SYT6: variants seen among roughly 807,000 people sequenced by gnomAD.
SYT6 encodes the protein synaptotagmin-6.
SYT6 carries 24 observed loss-of-function variants against 38.4 expected under a neutral mutation model. The ratio of observed to expected loss-of-function variants is 0.62; its 90% CI spans 0.45 to 0.88. SYT6 has a LOEUF of 0.88. Among genes scored for constraint, SYT6 ranks in the 40% least tolerant of loss-of-function variants. The probability of loss-of-function intolerance (pLI) is 0.00; values close to 1 mark genes in which losing one functional copy is unlikely to be tolerated. For synonymous variants in SYT6, 265 were observed against 241.9 expected (o/e 1.10, Z -0.89); for missense variants, 611 against 621.0 (o/e 0.98, Z 0.17).
chr1:114,101,340 A>G (rs1675957194), intron 4 of SYT6, among the ~76,000 whole-genome samples: 1 of 152,076 alleles, frequency 6.6e-6, no homozygotes, highest in Non-Finnish European at 1.5e-5. Flanking sequence ...GCCCCAGATG[A>G]TCTTGGAGGT....
chr1:114,103,047 G>A (rs1676062755), intron 4 of SYT6, among the ~76,000 whole-genome samples: 1 of 152,184 alleles, frequency 6.6e-6, no homozygotes, highest in Non-Finnish European at 1.5e-5. Context: ...AGCTCTCTTG[G>A]TGCTGAGGCT....
At chr1:114,130,073 G>C (rs1436223823) in intron 3 of SYT6, among the ~76,000 whole-genome samples, 5 of 151,986 alleles carry the variant, frequency 3.3e-5, no homozygotes, top group African/African-American at 1.2e-4. Flanking sequence ...AATATCTGCA[G>C]GGTTCTCTCC....
chr1:114,126,380 C>T (rs2101053754), intron 3 of SYT6, among the ~76,000 whole-genome samples: 1 of 152,356 alleles, frequency 6.6e-6, no homozygotes. Context: ...GTCATAGTTA[C>T]ACCCCATGAC....
intron 3 of SYT6, among the ~76,000 whole-genome samples, chr1:114,136,079 G>T (rs570440470): frequency 4.6e-5 from 7 of 152,254 alleles, no homozygotes; most frequent in Admixed American, 1.3e-4. Flanking sequence ...AAGCAAAGGT[G>T]GGGGAGGTAC....
At chr1:114,133,087 C>T (rs534985666) in intron 3 of SYT6, among the ~76,000 whole-genome samples, 1 of 152,176 alleles carries the variant, frequency 6.6e-6, no homozygotes, top group South Asian at 2.1e-4. Flanking sequence ...GTATATGGAA[C>T]ACTTCATCAC....
chr1:114,130,988 C>T (rs1289641074), intron 3 of SYT6, among the ~76,000 whole-genome samples: 1 of 152,182 alleles, frequency 6.6e-6, no homozygotes, highest in Non-Finnish European at 1.5e-5. Context: ...TGTGGCCACT[C>T]TGGGATCTCA....
chr1:114,103,611 T>G lies in SYT6; in HGVS notation c.1182A>C (p.Thr394=). The part of the protein sequence containing the change: ...KCRNLKAMDI[T]GYSDPYVKVS... ...GGTTAAGAGAGGTACCTGAATAGCC[T>G]GTGATGTCCATCGCCTTGAGGTTCC... is the stretch of plus-strand genomic sequence containing the variant. Residue 394 remains threonine (T), a synonymous_variant, in exon 4 of 8, where the codon ACA becomes ACC. Coordinates refer to ENST00000610222, the MANE Select transcript of SYT6 (RefSeq NM_001253772.2). 1 of 1,614,200 alleles carries G rather than the reference T, an allele frequency of 6.2e-7. No individual in the cohort carries two copies.
At chr1:114,142,736 C>A (rs1385404901) in intron 1 of SYT6, among the ~76,000 whole-genome samples, 1 of 152,184 alleles carries the variant, frequency 6.6e-6, no homozygotes, top group African/African-American at 2.4e-5. Context: ...CACCAGCAAC[C>A]ACCAAACTGG....
chr1:114,105,053 TTTA>T (rs1466665975), intron 3 of SYT6, among the ~76,000 whole-genome samples: 6 of 152,038 alleles, frequency 3.9e-5, no homozygotes, highest in African/African-American at 1.4e-4. Context: ...GAGCTTACAT[TTTA>T]TTAGGGCAAA....
At chr1:114,123,690 T>G (rs1677553501) in intron 3 of SYT6, among the ~76,000 whole-genome samples, 1 of 152,196 alleles carries the variant, frequency 6.6e-6, no homozygotes, top group African/African-American at 2.4e-5. Context: ...CCAACTCAAG[T>G]GTAGACCCAA....
intron 1 of SYT6, among the ~76,000 whole-genome samples, chr1:114,147,887 T>G (rs886841218): frequency 5.9e-5 from 9 of 152,312 alleles, no homozygotes; most frequent in Admixed American, 5.2e-4. Flanking sequence ...TCATGTTTTG[T>G]TTTTTGGTGG....
At chr1:114,134,852 C>T (rs890453967) in intron 3 of SYT6, among the ~76,000 whole-genome samples, 8 of 152,204 alleles carry the variant, frequency 5.3e-5, no homozygotes, top group Admixed American at 5.2e-4. Context: ...CCCCATTGTG[C>T]TGGTATGGGA....
intron 5 of SYT6, 104 bp from the exon 6 acceptor site, chr1:114,097,981 G>T: frequency 7.6e-7 from 1 of 1,322,098 alleles, no homozygotes; most frequent in Non-Finnish European, 1.0e-6. Context: ...GTCTAACTCA[G>T]AACTCTGAGC....
chr1:114,099,099 A>C lies in SYT6; in HGVS notation c.1359T>G (p.Tyr453Ter). The change falls in exon 5 of 8, where the codon TAT becomes TAG. Residue 453 changes from tyrosine to a stop codon, truncating the protein, a stop_gained. Coordinates refer to ENST00000610222, the MANE Select transcript of SYT6 (RefSeq NM_001253772.2). LOFTEE classifies it high-confidence loss of function. The part of the protein sequence containing the change: ...QVSLLISVMD[Y>*]DRVGHNEIIG... ...CCTCTAGGACGCCTACCTACCGATC[A>C]TAGTCCATGACTGAGATGAGCAGGC... The C allele has an allele frequency of 6.2e-7, 1 of 1,612,632 alleles. No homozygotes were observed. Among genetic ancestry groups the C allele is most frequent in the Non-Finnish European group, 8.5e-7 (1 of 1,179,164 alleles).
At chr1:114,120,153 C>A (rs1677304369) in intron 3 of SYT6, among the ~76,000 whole-genome samples, 2 of 152,254 alleles carry the variant, frequency 1.3e-5, no homozygotes, top group Non-Finnish European at 2.9e-5. Flanking sequence ...TAATTACCCC[C>A]ACTTTGCAGT....
chr1:114,122,506 T>TGTGTGTGTGTGC (rs60780339), intron 3 of SYT6, among the ~76,000 whole-genome samples: 2 of 147,284 alleles, frequency 1.4e-5, no homozygotes, highest in Admixed American at 6.7e-5. Context: ...TGTGTGTGTG[T>TGTGTGTGTGTGC]GCGCGCACAT....
intron 3 of SYT6, 54 bp from the exon 4 acceptor site, chr1:114,103,775 A>T: frequency 1.3e-6 from 2 of 1,586,958 alleles, no homozygotes; most frequent in Non-Finnish European, 8.6e-7. Context: ...CATGGGCCTC[A>T]TGTCCAGTGC....
At chr1:114,110,404 G>A (rs968991317) in intron 3 of SYT6, among the ~76,000 whole-genome samples, 6 of 152,140 alleles carry the variant, frequency 3.9e-5, no homozygotes, top group East Asian at 1.9e-4. Flanking sequence ...GTGGGTGTGC[G>A]GCCGCTTTAT....
intron 1 of SYT6, 48 bp from the exon 2 acceptor site, chr1:114,140,011 G>A (rs1678768675): frequency 6.9e-6 from 8 of 1,154,228 alleles, no homozygotes; most frequent in Non-Finnish European, 9.6e-6. Flanking sequence ...GACAGAGGCG[G>A]GGAGAAGCGG....
Sources: gnomAD v4.1 joint callset for allele counts (sites outside exome capture counted in the v4.1 genomes callset) on GRCh38, gnomAD v4.1.1 for gene constraint, MANE v1.5 for transcripts, NCBI Gene and HGNC (gene_info 2026-07-23, HGNC 2026-07-21) for gene names.